KDM5B: variants seen among roughly 807,000 people sequenced by gnomAD.
KDM5B encodes lysine-specific demethylase 5B.
Under a neutral mutation model 193.4 loss-of-function variants are expected in KDM5B, and 144 were observed. That is an observed-to-expected ratio of 0.74 (90% CI 0.65 to 0.86). The LOEUF (loss-of-function observed/expected upper bound fraction) is 0.86. KDM5B is among the 40% of genes least tolerant of loss of function. The pLI is 0.00. For missense variants in KDM5B, 1,833 were observed against 1,886.9 expected, an observed-to-expected ratio of 0.97 and a Z score of 0.53; for synonymous variants, 668 against 682.6, an observed-to-expected ratio of 0.98 and a Z score of 0.33.
At position 202,725,694 on chromosome 1, in the gene KDM5B, C is replaced by T. The variant is rs1208062954; in HGVS notation, c.*3342G>A. On this transcript the variant is annotated 3_prime_UTR_variant, in exon 27 of 27. Transcript: ENST00000367265. ...CAAGGAAAGACTATTTTAATATAGG[C>T]TGACACTAGCATGGACTAGTATGTA... 2 of 152,224 alleles carry T rather than the reference C, an allele frequency of 1.3e-5. No homozygotes were observed. The highest frequency in any genetic ancestry group is 4.8e-5 in the African/African-American group (2 of 41,456). 9.4% of individuals were successfully genotyped at this position (152,224 alleles called of 1,614,324 possible). A position where few individuals can be genotyped will look rare whatever the true frequency, so the allele number is the denominator to read the frequency against.
intron 1 of KDM5B, among the ~76,000 whole-genome samples, chr1:202,801,961 C>T (rs1191891687): frequency 6.6e-6 from 1 of 151,646 alleles, no homozygotes; most frequent in Non-Finnish European, 1.5e-5. Flanking sequence ...CCCTCCAGTT[C>T]CCAACCTTCA....
intron 18 of KDM5B, among the ~76,000 whole-genome samples, chr1:202,742,091 G>A (rs1359342778): frequency 2.6e-5 from 4 of 151,936 alleles, no homozygotes; most frequent in Non-Finnish European, 4.4e-5. Context: ...GGTCAGGCTG[G>A]TCTTGAACTC....
chr1:202,736,460 T>A, intron 20 of KDM5B, 68 bp from the exon 21 acceptor site: 1 of 1,282,612 alleles, frequency 7.8e-7, no homozygotes, highest in Non-Finnish European at 1.1e-6. Context: ...AGGAAAAGCT[T>A]AATTCAGATT....
intron 2 of KDM5B, among the ~76,000 whole-genome samples, chr1:202,775,889 T>C (rs1201844275): frequency 4.1e-5 from 5 of 120,766 alleles, no homozygotes; most frequent in Non-Finnish European, 3.3e-5. Flanking sequence ...AATATATATA[T>C]ATATATATAT....
Position 202,758,360 on chromosome 1 carries a change from T to C in KDM5B, c.1197+31A>G, listed in dbSNP as rs2102267802. The C allele has an allele frequency of 2.0e-6, 3 of 1,536,098 alleles. No homozygotes were observed. In the East Asian group the frequency reaches 6.9e-5, roughly 35 times the overall value. ...CACTTTTCTCCAAAAGCTATTAAAATCCTAAATCAAAGCAGTATATATGTA... is the reference window on the plus strand; with the variant it reads ...CACTTTTCTCCAAAAGCTATTAAAACCCTAAATCAAAGCAGTATATATGTA... On this transcript the variant is annotated intron_variant, in intron 9 of 26. Transcript: ENST00000367265.
chr1:202,792,660 A>G (rs1480590581), intron 1 of KDM5B, among the ~76,000 whole-genome samples: 3 of 152,224 alleles, frequency 2.0e-5, no homozygotes. Context: ...AATGAATTCA[A>G]GTCTGGGTGG....
At chr1:202,761,161 C>G (rs1373751052) in intron 7 of KDM5B, among the ~76,000 whole-genome samples, 1 of 152,162 alleles carries the variant, frequency 6.6e-6, no homozygotes. Flanking sequence ...CCAATTTAGG[C>G]CTGGCACGGT....
intron 3 of KDM5B, among the ~76,000 whole-genome samples, chr1:202,773,566 G>A (rs973617627): frequency 6.6e-6 from 1 of 152,062 alleles, no homozygotes; most frequent in Non-Finnish European, 1.5e-5. Flanking sequence ...AAAGAACCAG[G>A]TTACCTAAAA....
Position 202,742,674 on chromosome 1 carries a change from T to G in KDM5B, c.2455A>C (p.Asn819His). ...KCASVAQQLL[N>H]GKRQTRYRSG... ...GCATACCTAGTTTGCCTTTTGCCAT[T>G]AAGCAACTGCTGCGCAACAGAGGCA... The change falls in exon 17 of 27, where the codon AAT becomes CAT. Residue 819 changes from asparagine (N) to histidine (H), a missense_variant. By Grantham distance (68) the Asn-to-His change is moderately conservative. Transcript: ENST00000367265. The G allele has an allele frequency of 6.2e-7, 1 of 1,614,094 alleles. No homozygotes were observed. The highest frequency in any genetic ancestry group is 8.5e-7 in the Non-Finnish European group (1 of 1,180,010).
At chr1:202,808,032 T>C in intron 1 of KDM5B, 70 bp downstream of exon 1, 1 of 1,491,066 alleles carries the variant, frequency 6.7e-7, no homozygotes, top group Non-Finnish European at 9.0e-7. Flanking sequence ...GCCTCGGGCC[T>C]CCCCGGACCC....
chr1:202,764,555 A>C (rs1656371798), intron 5 of KDM5B, among the ~76,000 whole-genome samples: 1 of 152,162 alleles, frequency 6.6e-6, no homozygotes, highest in African/African-American at 2.4e-5. Context: ...GAATCGCTTG[A>C]ACCTGGGAGA....
chr1:202,800,303 A>G (rs61820992), intron 1 of KDM5B, among the ~76,000 whole-genome samples: 8,941 of 151,454 alleles, frequency 0.059, 450 homozygotes, highest in East Asian at 0.25. Flanking sequence ...CGGCCTCCCA[A>G]AGTGCTGAGA....
At chr1:202,742,612 T>C (rs771495018) in intron 17 of KDM5B, 43 bp downstream of exon 17, 55 of 1,610,654 alleles carry the variant, frequency 3.4e-5, no homozygotes, top group Admixed American at 1.2e-4. Flanking sequence ...TTTCCAAACA[T>C]AGGTGCCAAA....
chr1:202,762,909 T>C (rs911589525), intron 6 of KDM5B, 101 bp from the exon 7 acceptor site: 1 of 710,152 alleles, frequency 1.4e-6, no homozygotes, highest in South Asian at 1.7e-5. Context: ...TAATTTCATG[T>C]GTGTTTTCAC....
Position 202,749,565 on chromosome 1 carries a change from A to T in KDM5B, c.1822-426T>A, listed in dbSNP as rs1024396590. On this transcript the variant is annotated intron_variant, in intron 13 of 26. Transcript: ENST00000367265. ...GAGCGAGACTGTCTCGAAAAAATTT[A>T]AAAAACAAACAAAACACCAGACTCA... Among the ~76,000 whole-genome samples the T allele has an allele frequency of 4.0e-5, 6 of 150,630 alleles. No individual in the cohort carries two copies. The East Asian group carries it at 1.2e-3, about 30-fold the overall frequency.
chr1:202,798,589 C>A (rs570475027), intron 1 of KDM5B, among the ~76,000 whole-genome samples: 1 of 152,192 alleles, frequency 6.6e-6, no homozygotes, highest in South Asian at 2.1e-4. Flanking sequence ...ATTAGCCAGG[C>A]ATGGTGGTGT....
Position 202,755,319 on chromosome 1 carries a change from C to G in KDM5B, c.1490G>C (p.Cys497Ser). The change falls in exon 11 of 27, where the codon TGT becomes TCT. Residue 497 changes from cysteine (C) to serine (S), a missense_variant. Cys to Ser is a moderately radical substitution (Grantham distance 112). Transcript: ENST00000367265. ...GCTCCAGTGGTCTTCAATGTGCCAA[C>G]AGAATGAAGAAAAGCACATTCCCAC... Reference protein sequence around the residue: ...LYVGMCFSSFCWHIEDHWSYS... With the variant: ...LYVGMCFSSFSWHIEDHWSYS... 2 of 1,614,112 alleles carry G rather than the reference C, an allele frequency of 1.2e-6. No individual in the cohort carries two copies. Among genetic ancestry groups the G allele is most frequent in the East Asian group, 2.2e-5 (1 of 44,884 alleles).
At position 202,726,570 on chromosome 1, in the gene KDM5B, C is replaced by G. The variant is rs1654681899; in HGVS notation, c.*2466G>C. On this transcript the variant is annotated 3_prime_UTR_variant, in exon 27 of 27. Coordinates refer to ENST00000367265, the MANE Select transcript of KDM5B (RefSeq NM_006618.5). The stretch of plus-strand genomic sequence containing the variant: ...GGTTCAGGCTCTAACTTAACACAGT[C>G]CCTTCCCCTCTCCCACCTCACAAAG... 6.6e-6 allele frequency: 1 copy of G among 152,202 alleles called. No individual in the cohort carries two copies. 9.4% of individuals were successfully genotyped at this position (152,202 alleles called of 1,614,324 possible).
intron 1 of KDM5B, among the ~76,000 whole-genome samples, chr1:202,799,353 C>T (rs1338550759): frequency 6.6e-6 from 1 of 152,096 alleles, no homozygotes; most frequent in African/African-American, 2.4e-5. Context: ...GAGGAACTGG[C>T]TTTTGAAAAG....
Sources: gnomAD v4.1 joint callset for allele counts (sites outside exome capture counted in the v4.1 genomes callset) on GRCh38, gnomAD v4.1.1 for gene constraint, MANE v1.5 for transcripts, NCBI Gene and HGNC (gene_info 2026-07-23, HGNC 2026-07-21) for gene names.